The following ENOX1 variants were observed in gnomAD, a reference collection of about 807,000 sequenced individuals.
ENOX1 encodes the protein candidate growth-related and time keeping constitutive hydroquinone (NADH) oxidase.
Under a neutral mutation model 82.5 loss-of-function variants are expected in ENOX1, and 42 were observed. The observed-to-expected ratio is 0.51, with a 90% confidence interval of 0.40 to 0.66. The LOEUF (loss-of-function observed/expected upper bound fraction) is 0.66. ENOX1 is among the 30% of genes least tolerant of loss of function. The pLI is 0.00. For missense variants in ENOX1, 608 were observed against 811.6 expected, an observed-to-expected ratio of 0.75 and a Z score of 3.05; for synonymous variants, 271 against 282.2, an observed-to-expected ratio of 0.96 and a Z score of 0.40.
intron 1 of ENOX1, among the ~76,000 whole-genome samples, chr13:43,671,371 G>A (rs554129359): frequency 9.8e-5 from 15 of 152,308 alleles, no homozygotes; most frequent in African/African-American, 3.6e-4. Context: ...GAACTAGAAT[G>A]AAAAGAGGTG....
intron 5 of ENOX1, among the ~76,000 whole-genome samples, chr13:43,393,090 A>C (rs1001347333): frequency 6.6e-6 from 1 of 152,250 alleles, no homozygotes; most frequent in African/African-American, 2.4e-5. Flanking sequence ...TCATATAAAA[A>C]AGGAAGATGA....
At chr13:43,351,834 C>T (rs919932989) in intron 8 of ENOX1, among the ~76,000 whole-genome samples, 5 of 151,550 alleles carry the variant, frequency 3.3e-5, no homozygotes, top group African/African-American at 1.2e-4. Flanking sequence ...CATTGTTGGA[C>T]ATTTGGGTTG....
At chr13:43,643,036 A>G (rs2083724285) in intron 2 of ENOX1, among the ~76,000 whole-genome samples, 1 of 152,220 alleles carries the variant, frequency 6.6e-6, no homozygotes, top group South Asian at 2.1e-4. Flanking sequence ...TATGTAGGAA[A>G]AATATTACTT....
At chr13:43,573,515 C>T (rs375230211) in intron 2 of ENOX1, among the ~76,000 whole-genome samples, 23 of 152,184 alleles carry the variant, frequency 1.5e-4, no homozygotes, top group Admixed American at 1.1e-3. Context: ...AAAGAGAGGG[C>T]GTGACATTAG....
chr13:43,385,145 G>A (rs963100469), intron 5 of ENOX1, among the ~76,000 whole-genome samples: 3 of 151,890 alleles, frequency 2.0e-5, no homozygotes, highest in Admixed American at 6.6e-5. Flanking sequence ...TGTACATTTG[G>A]GATATTTCAT....
intron 2 of ENOX1, among the ~76,000 whole-genome samples, chr13:43,532,171 A>T (rs1295893134): frequency 6.6e-6 from 1 of 152,096 alleles, no homozygotes; most frequent in Non-Finnish European, 1.5e-5. Flanking sequence ...AAAAGAAGAA[A>T]ATAAAATGGT....
At chr13:43,579,709 G>C (rs536300228) in intron 2 of ENOX1, among the ~76,000 whole-genome samples, 1 of 152,256 alleles carries the variant, frequency 6.6e-6, no homozygotes, top group Non-Finnish European at 1.5e-5. Context: ...TCATGGTAAA[G>C]AAAATTGAAG....
At chr13:43,735,815 T>G (rs1019952306) in intron 1 of ENOX1, among the ~76,000 whole-genome samples, 2 of 152,168 alleles carry the variant, frequency 1.3e-5, no homozygotes, top group African/African-American at 4.8e-5. Context: ...GGTAGGACAG[T>G]TGAAACACAT....
intron 11 of ENOX1, among the ~76,000 whole-genome samples, chr13:43,305,379 C>G (rs1384408215): frequency 6.6e-6 from 1 of 152,088 alleles, no homozygotes; most frequent in Non-Finnish European, 1.5e-5. Flanking sequence ...AGTGTGTATT[C>G]GAATCTGCAC....
chr13:43,550,778 A>G (rs538939493), intron 2 of ENOX1, among the ~76,000 whole-genome samples: 6 of 152,334 alleles, frequency 3.9e-5, no homozygotes, highest in African/African-American at 1.4e-4. Context: ...TCTTCAGGGT[A>G]TGTGGACATA....
chr13:43,232,093 CTT>C (rs33932346), intron 15 of ENOX1, among the ~76,000 whole-genome samples: 1 of 109,550 alleles, frequency 9.1e-6, no homozygotes, highest in South Asian at 3.2e-4. Flanking sequence ...GCCCAGCTAA[CTT>C]TTTTTTTTTT....
rs896744571 is a variant in ENOX1 at position 43,405,072 on chromosome 13, A to G, written c.208+6844T>C. Reference sequence around the variant, plus strand: ...AGAAAGAAACTTTGCTGGTATAAGTATGATTTTCATTTTAAAAACAAGCAT... The same window carrying G: ...AGAAAGAAACTTTGCTGGTATAAGTGTGATTTTCATTTTAAAAACAAGCAT... On this transcript the variant is annotated intron_variant, in intron 5 of 16. Transcript: ENST00000690772. 2.0e-5 allele frequency among the ~76,000 whole-genome samples: 3 copies of G among 152,240 alleles called. No homozygotes were observed. The South Asian group carries it at 6.2e-4, about 32-fold the overall frequency.
intron 16 of ENOX1, among the ~76,000 whole-genome samples, chr13:43,216,359 A>T (rs1016812794): frequency 3.3e-5 from 5 of 152,204 alleles, no homozygotes; most frequent in Admixed American, 3.3e-4. Context: ...TTATATGTAA[A>T]ATGTAACACA....
rs147798300 is a variant in ENOX1, at chr13:43,781,255, T to C, written c.-285+5397A>G. The stretch of plus-strand genomic sequence containing the variant: ...ATGAAGCTTGAAATACTTGCAGCAT[T>C]ACACAAAGAGGGAGAGATGATGCAT... On this transcript the variant is annotated intron_variant, in intron 1 of 16. Coordinates refer to ENST00000690772, the MANE Select transcript of ENOX1 (RefSeq NM_001347969.2). 4.1e-3 allele frequency among the ~76,000 whole-genome samples: 628 copies of C among 152,282 alleles called. 8 individuals carry two copies. Among genetic ancestry groups the C allele is most frequent in the African/African-American group, 0.014 (593 of 41,552 alleles).
chr13:43,399,832 C>T (rs559261600), intron 5 of ENOX1, among the ~76,000 whole-genome samples: 48 of 152,226 alleles, frequency 3.2e-4, no homozygotes, highest in African/African-American at 1.2e-3. Context: ...AGGATCCCCA[C>T]ATACTGCTGT....
intron 3 of ENOX1, among the ~76,000 whole-genome samples, chr13:43,466,488 T>TAA (rs1306808317): frequency 2.0e-5 from 3 of 151,982 alleles, no homozygotes; most frequent in Admixed American, 2.0e-4. Flanking sequence ...GTCATTATAA[T>TAA]AAAGAAAAAG....
intron 1 of ENOX1, among the ~76,000 whole-genome samples, chr13:43,769,320 C>T: frequency 6.6e-6 from 1 of 152,176 alleles, no homozygotes; most frequent in Non-Finnish European, 1.5e-5. Flanking sequence ...ACTGGGTCCC[C>T]ACAAGTGTGC....
chr13:43,356,298 T>C (rs2050152912), intron 7 of ENOX1, 146 bp from the exon 8 acceptor site: 7 of 718,846 alleles, frequency 9.7e-6, no homozygotes, highest in Middle Eastern at 3.3e-4. Context: ...GGGAAACAAT[T>C]ATCCTTTTCC....
chr13:43,764,242 T>G (rs758856512), intron 1 of ENOX1, among the ~76,000 whole-genome samples: 3 of 152,202 alleles, frequency 2.0e-5, no homozygotes, highest in Non-Finnish European at 2.9e-5. Flanking sequence ...GTCACAACCC[T>G]GAAACATCTA....
Sources: gnomAD v4.1 joint callset for allele counts (sites outside exome capture counted in the v4.1 genomes callset) on GRCh38, gnomAD v4.1.1 for gene constraint, MANE v1.5 for transcripts, NCBI Gene and HGNC (gene_info 2026-07-23, HGNC 2026-07-21) for gene names.